Variants in LINGO2 observed in about 807,000 individuals in gnomAD.
LINGO2 encodes the protein leucine-rich repeat and immunoglobulin-like domain-containing nogo receptor-interacting protein 2.
A neutral mutation model predicts 30.6 loss-of-function variants in LINGO2; 14 were observed. That is an observed-to-expected ratio of 0.46 (90% CI 0.30 to 0.72). The LOEUF (loss-of-function observed/expected upper bound fraction) is 0.72, where lower values mean the gene tolerates loss of function less well. LINGO2 is among the 30% of genes least tolerant of loss of function. The probability of loss-of-function intolerance (pLI) is 0.07; values close to 1 mark genes in which losing one functional copy is unlikely to be tolerated. For missense variants in LINGO2, 729 were observed against 751.7 expected, an observed-to-expected ratio of 0.97 and a Z score of 0.35; for synonymous variants, 317 against 288.5, an observed-to-expected ratio of 1.10 and a Z score of -1.00.
chr9:28,891,774 C>T, the LINGO2 span, among the ~76,000 whole-genome samples: 1 of 141,556 alleles, frequency 7.1e-6, no homozygotes, highest in East Asian at 2.1e-4. Flanking sequence ...AATACTCATG[C>T]AATTTATGAG....
At chr9:28,373,410 A>G (rs1820981386) in intron 2 of LINGO2, among the ~76,000 whole-genome samples, 1 of 152,182 alleles carries the variant, frequency 6.6e-6, no homozygotes, top group African/African-American at 2.4e-5. Context: ...GTTGTTTATA[A>G]TAAATGCTCT....
At chr9:28,755,563 A>G in the LINGO2 span, among the ~76,000 whole-genome samples, 1 of 152,112 alleles carries the variant, frequency 6.6e-6, no homozygotes, top group Non-Finnish European at 1.5e-5. Flanking sequence ...TATGTGCATA[A>G]ATACTTTTAA....
rs537705963 is a variant in LINGO2, at chr9:28,491,580, A to AT, written c.-364-15556dup. On this transcript the variant is annotated intron_variant, in intron 1 of 5. Coordinates refer to ENST00000379992, the Ensembl canonical transcript of LINGO2. ...TCCTCTTCTTTGCATTATTTGACTT[A>AT]TTTTAACTATGTTTTTGTATTAACT... is the stretch of plus-strand genomic sequence containing the variant. 2.5e-4 allele frequency among the ~76,000 whole-genome samples: 38 copies of AT among 152,292 alleles called. No individual in the cohort carries two copies. The South Asian group carries it at 6.2e-3, about 25-fold the overall frequency.
intron 4 of LINGO2, among the ~76,000 whole-genome samples, chr9:28,292,833 C>A (rs1009015684): frequency 6.6e-6 from 1 of 151,754 alleles, no homozygotes; most frequent in Non-Finnish European, 1.5e-5. Context: ...TGCAGTGACA[C>A]GATCTCGGTT....
intron 5 of LINGO2, among the ~76,000 whole-genome samples, chr9:28,010,013 G>A (rs555693586): frequency 1.6e-4 from 24 of 152,240 alleles, no homozygotes; most frequent in African/African-American, 5.3e-4. Context: ...TGTGTTATCC[G>A]TATCTATGCA....
the LINGO2 span, among the ~76,000 whole-genome samples, chr9:28,950,230 T>C: frequency 2.6e-5 from 4 of 152,172 alleles, no homozygotes; most frequent in Non-Finnish European, 5.9e-5. Flanking sequence ...AACCAGGTAT[T>C]GATGGAACGT....
intron 4 of LINGO2, among the ~76,000 whole-genome samples, chr9:28,013,091 G>A (rs1447804727): frequency 6.6e-6 from 1 of 152,164 alleles, no homozygotes; most frequent in Non-Finnish European, 1.5e-5. Context: ...CCTGTAAAAT[G>A]TTGGAATGAT....
the LINGO2 span, among the ~76,000 whole-genome samples, chr9:29,162,049 A>G: frequency 6.6e-6 from 1 of 151,878 alleles, no homozygotes; most frequent in African/African-American, 2.4e-5. Context: ...CCTCCCGAGT[A>G]GCTGAGACTA....
the LINGO2 span, among the ~76,000 whole-genome samples, chr9:28,890,231 G>A: frequency 6.7e-6 from 1 of 148,734 alleles, no homozygotes; most frequent in Non-Finnish European, 1.5e-5. Flanking sequence ...TTTTGTTTTT[G>A]TGGGGCAAAA....
At chr9:28,924,718 C>T in the LINGO2 span, among the ~76,000 whole-genome samples, 1 of 152,236 alleles carries the variant, frequency 6.6e-6, no homozygotes, top group East Asian at 1.9e-4. Flanking sequence ...TTTTTTATAG[C>T]TTTGCTGTAC....
the LINGO2 span, among the ~76,000 whole-genome samples, chr9:28,894,257 G>T: frequency 6.6e-6 from 1 of 151,992 alleles, no homozygotes; most frequent in Admixed American, 6.6e-5. Context: ...AGTCCTTTGG[G>T]TATATACCCA....
intron 1 of LINGO2, among the ~76,000 whole-genome samples, chr9:28,529,605 A>G (rs1230816250): frequency 6.9e-6 from 1 of 145,168 alleles, no homozygotes; most frequent in African/African-American, 2.6e-5. Context: ...AATTGCAAAT[A>G]CTTTTTTTTT....
chr9:28,490,604 GTTTAC>G, intron 1 of LINGO2, among the ~76,000 whole-genome samples: 1 of 152,226 alleles, frequency 6.6e-6, no homozygotes. Flanking sequence ...AATTAATTTA[GTTTAC>G]TTATGTATAA....
intron 4 of LINGO2, among the ~76,000 whole-genome samples, chr9:28,202,573 G>A (rs1446244573): frequency 1.3e-5 from 2 of 152,062 alleles, no homozygotes; most frequent in Non-Finnish European, 2.9e-5. Context: ...CCCCCCGCCA[G>A]AAAGGATTTG....
chr9:28,902,493 A>G, the LINGO2 span, among the ~76,000 whole-genome samples: 1 of 152,156 alleles, frequency 6.6e-6, no homozygotes, highest in Non-Finnish European at 1.5e-5. Context: ...AGACAAATCA[A>G]TAAGGAAACA....
intron 3 of LINGO2, among the ~76,000 whole-genome samples, chr9:28,339,983 A>G (rs1200122287): frequency 2.0e-5 from 3 of 152,106 alleles, no homozygotes; most frequent in South Asian, 4.1e-4. Flanking sequence ...CTTCCCCTCC[A>G]TTATCCTGCT....
chr9:29,002,169 A>C, the LINGO2 span, among the ~76,000 whole-genome samples: 2 of 152,006 alleles, frequency 1.3e-5, no homozygotes, highest in Non-Finnish European at 2.9e-5. Context: ...AGATGGGTAT[A>C]TTCTTATACC....
chr9:28,335,320 A>G (rs983863416), intron 3 of LINGO2, among the ~76,000 whole-genome samples: 1 of 152,176 alleles, frequency 6.6e-6, no homozygotes, highest in Non-Finnish European at 1.5e-5. Flanking sequence ...AGAAGAATGA[A>G]TATAGAGAGG....
chr9:28,512,612 TATATATATATATATATATATATATAC>T (rs1256666034), intron 1 of LINGO2, among the ~76,000 whole-genome samples: 199 of 5,024 alleles, frequency 0.04, 4 homozygotes, highest in African/African-American at 0.049. Flanking sequence ...TATATATATA[TATATATATATATATATATATATATAC>T]ACACATACAT....
Sources: allele counts gnomAD v4.1 joint callset (sites outside exome capture counted in the v4.1 genomes callset), GRCh38; gene constraint gnomAD v4.1.1; transcripts MANE v1.5; gene names NCBI Gene and HGNC (gene_info 2026-07-23, HGNC 2026-07-21).